The following DPP6 variants were observed in gnomAD, a reference collection of about 807,000 sequenced individuals.
The protein encoded by DPP6 is A-type potassium channel modulatory protein DPP6.
Under a neutral mutation model 122.6 loss-of-function variants are expected in DPP6, and 69 were observed. The observed-to-expected ratio is 0.56, with a 90% CI of 0.46 to 0.69. The LOEUF is 0.69. Ranked by LOEUF, DPP6 falls within the 30% of genes least tolerant of loss-of-function variation. The probability of loss-of-function intolerance (pLI) is 0.00; values close to 1 mark genes in which losing one functional copy is unlikely to be tolerated. For synonymous variants in DPP6, 418 were observed against 433.1 expected (o/e 0.97, Z 0.43); for missense variants, 928 against 1,116.9 (o/e 0.83, Z 2.41).
the DPP6 span, among the ~76,000 whole-genome samples, chr7:153,864,881 T>C: frequency 2.0e-5 from 3 of 152,110 alleles, no homozygotes; most frequent in African/African-American, 7.2e-5. Context: ...AGGTTTTTGC[T>C]CCTTTCTGTC....
At chr7:154,553,365 A>G (rs1432937882) in intron 4 of DPP6, among the ~76,000 whole-genome samples, 7 of 152,064 alleles carry the variant, frequency 4.6e-5, no homozygotes, top group Non-Finnish European at 5.9e-5. Context: ...AGAAACTGAA[A>G]TGGGGAGAGA....
At chr7:153,896,767 T>C (rs1799432582) in intron 1 of DPP6, among the ~76,000 whole-genome samples, 2 of 152,236 alleles carry the variant, frequency 1.3e-5, no homozygotes, top group African/African-American at 4.8e-5. Flanking sequence ...GGGCCAAGAT[T>C]GTGCCAATGC....
chr7:154,082,376 G>A (rs531365347), intron 1 of DPP6, among the ~76,000 whole-genome samples: 1 of 152,138 alleles, frequency 6.6e-6, no homozygotes, highest in African/African-American at 2.4e-5. Flanking sequence ...GGGAAAGCTG[G>A]AAAATTGATC....
At chr7:154,710,383 A>G (rs1563128648) in intron 7 of DPP6, among the ~76,000 whole-genome samples, 1 of 152,252 alleles carries the variant, frequency 6.6e-6, no homozygotes, top group Admixed American at 6.5e-5. Context: ...GGGCAACAAA[A>G]GCAGGAAGTC....
At chr7:154,666,394 T>C (rs1442470067) in intron 6 of DPP6, among the ~76,000 whole-genome samples, 4 of 152,148 alleles carry the variant, frequency 2.6e-5, no homozygotes, top group South Asian at 4.1e-4. Flanking sequence ...TAATTATATA[T>C]ATTTACAGGG....
Position 154,183,725 on chromosome 7 carries a change from A to G in DPP6, c.243+130662A>G, listed in dbSNP as rs1174875134. 2.6e-5 allele frequency among the ~76,000 whole-genome samples: 4 copies of G among 152,206 alleles called. No homozygotes were observed. In the East Asian group the frequency reaches 7.7e-4, roughly 29 times the overall value. Reference sequence around the variant, plus strand: ...GAGAACGACGGACAATTAGGTCACCACAACACCGGATAGAAACCCCACAGG... The same window carrying G: ...GAGAACGACGGACAATTAGGTCACCGCAACACCGGATAGAAACCCCACAGG... On this transcript the variant is annotated intron_variant, in intron 1 of 25. Transcript: ENST00000377770.
At chr7:154,404,118 G>C (rs762285443) in intron 1 of DPP6, among the ~76,000 whole-genome samples, 17 of 152,286 alleles carry the variant, frequency 1.1e-4, no homozygotes, top group South Asian at 8.3e-4. Context: ...TTTAGTGATG[G>C]ACTTGGAAGT....
Position 154,314,636 on chromosome 7 carries a change from C to T in DPP6, c.244-131578C>T, listed in dbSNP as rs76635671. ...GGGGGAGCCCAGCTCACAAACCACACATCTAATTCAGCAGTCTAATCTTGC... is the reference window on the plus strand; with the variant it reads ...GGGGGAGCCCAGCTCACAAACCACATATCTAATTCAGCAGTCTAATCTTGC... On this transcript the variant is annotated intron_variant, in intron 1 of 25. Coordinates refer to ENST00000377770, the MANE Select transcript of DPP6 (RefSeq NM_130797.4). Among the ~76,000 whole-genome samples the T allele has an allele frequency of 7.1e-3, 1,077 of 152,354 alleles. 30 individuals are homozygous for T. The East Asian group carries it at 0.072, about 10-fold the overall frequency.
chr7:154,245,919 C>T (rs759656016), intron 1 of DPP6, among the ~76,000 whole-genome samples: 13 of 152,084 alleles, frequency 8.5e-5, no homozygotes, highest in Non-Finnish European at 1.9e-4. Context: ...GAATAAAGAA[C>T]ATAGTCATTG....
chr7:154,385,475 G>C (rs1394325961), intron 1 of DPP6, among the ~76,000 whole-genome samples: 2 of 152,176 alleles, frequency 1.3e-5, no homozygotes, highest in African/African-American at 2.4e-5. Flanking sequence ...ATCTCTGTGA[G>C]ACTAAAGTCC....
intron 1 of DPP6, among the ~76,000 whole-genome samples, chr7:154,249,050 G>A (rs1052534684): frequency 1.3e-5 from 2 of 152,202 alleles, no homozygotes; most frequent in African/African-American, 2.4e-5. Context: ...TAGGGTAGCT[G>A]TAAGAGCCAT....
At chr7:154,147,446 TTTCCTTCCTTCCTTCCTTCC>T (rs200682495) in intron 1 of DPP6, among the ~76,000 whole-genome samples, 71 of 142,964 alleles carry the variant, frequency 5.0e-4, no homozygotes, top group East Asian at 1.0e-3. Context: ...ACTTTATTCA[TTTCCTTCCTTCCTTCCTTCC>T]TTCCTTCCTT....
At chr7:153,792,590 G>A in the DPP6 span, among the ~76,000 whole-genome samples, 1 of 151,722 alleles carries the variant, frequency 6.6e-6, no homozygotes, top group Non-Finnish European at 1.5e-5. Flanking sequence ...GTCAGTGTTT[G>A]TCTTTCAACA....
At chr7:153,966,365 C>T (rs1458568318) in intron 1 of DPP6, among the ~76,000 whole-genome samples, 3 of 150,302 alleles carry the variant, frequency 2.0e-5, no homozygotes, top group East Asian at 4.0e-4. Context: ...AGAGAAAACA[C>T]GCATCCTCAC....
the DPP6 span, among the ~76,000 whole-genome samples, chr7:153,835,176 T>C: frequency 6.6e-6 from 1 of 152,232 alleles, no homozygotes; most frequent in Admixed American, 6.5e-5. Flanking sequence ...TTTCCTTCCT[T>C]TGTAATATAA....
chr7:154,347,661 T>C (rs1190915913), intron 1 of DPP6, among the ~76,000 whole-genome samples: 1 of 152,226 alleles, frequency 6.6e-6, no homozygotes, highest in African/African-American at 2.4e-5. Flanking sequence ...ATTTTGTCCC[T>C]TTCAGATGCT....
intron 1 of DPP6, among the ~76,000 whole-genome samples, chr7:154,431,534 C>T (rs1246093569): frequency 1.8e-4 from 18 of 98,780 alleles, no homozygotes; most frequent in African/African-American, 2.7e-4. Flanking sequence ...TTCTTTCTTT[C>T]TTTTTTTTTT....
At chr7:153,788,316 G>C in the DPP6 span, among the ~76,000 whole-genome samples, 9 of 152,174 alleles carry the variant, frequency 5.9e-5, no homozygotes, top group Non-Finnish European at 1.0e-4. Flanking sequence ...GTAGTCTGCT[G>C]CTGCCAACTG....
chr7:154,116,278 C>A (rs1362103076), intron 1 of DPP6, among the ~76,000 whole-genome samples: 2 of 152,118 alleles, frequency 1.3e-5, no homozygotes, highest in African/African-American at 4.8e-5. Flanking sequence ...TGAATAAAAC[C>A]TTTTTATATA....
Sources: gnomAD v4.1 joint callset for allele counts (sites outside exome capture counted in the v4.1 genomes callset) on GRCh38, gnomAD v4.1.1 for gene constraint, MANE v1.5 for transcripts, NCBI Gene and HGNC (gene_info 2026-07-23, HGNC 2026-07-21) for gene names.